Variants in RPS6KA2 observed in about 807,000 individuals in gnomAD.
RPS6KA2 encodes the protein ribosomal protein S6 kinase alpha-2.
Under a neutral mutation model 91.8 loss-of-function variants are expected in RPS6KA2, and 42 were observed. That is an observed-to-expected ratio of 0.46 (90% CI 0.36 to 0.59). The LOEUF (loss-of-function observed/expected upper bound fraction) is 0.59, where lower values mean the gene tolerates loss of function less well. Among genes scored for constraint, RPS6KA2 ranks in the 20% least tolerant of loss-of-function variants. The probability of loss-of-function intolerance (pLI) is 0.00; values close to 1 mark genes in which losing one functional copy is unlikely to be tolerated. For missense variants in RPS6KA2, 798 were observed against 978.5 expected (o/e 0.82, Z 2.46); for synonymous variants, 414 against 393.6 (o/e 1.05, Z -0.61).
chr6:166,806,589 G>A (rs1367412575), intron 2 of RPS6KA2, among the ~76,000 whole-genome samples: 1 of 152,134 alleles, frequency 6.6e-6, no homozygotes, highest in African/African-American at 2.4e-5. Flanking sequence ...CAAATGCAGG[G>A]GGAGTTTGTT....
chr6:166,783,700 A>T (rs555038310), intron 2 of RPS6KA2, among the ~76,000 whole-genome samples: 2 of 152,118 alleles, frequency 1.3e-5, no homozygotes, highest in East Asian at 3.9e-4. Flanking sequence ...GTAACTACAT[A>T]TATATGTGAA....
intron 2 of RPS6KA2, among the ~76,000 whole-genome samples, chr6:166,697,226 A>C (rs1219280300): frequency 6.6e-6 from 1 of 151,090 alleles, no homozygotes; most frequent in Non-Finnish European, 1.5e-5. Context: ...GTTAAAAAAA[A>C]GACTCATATA....
Position 166,563,035 on chromosome 6 carries a change from AG to A in RPS6KA2, c.100-24252del, listed in dbSNP as rs551776743. ...AAGGTAACATCCAAGTCACAACAGG[AG>A]TCCAGAGGGTCCTGAGTGTGGGAAA... On this transcript the variant is annotated intron_variant, in intron 1 of 20. Transcript: ENST00000265678. This position sits in a 1 kb window ranked among gnomAD's most constrained non-coding sequence, Gnocchi z 4.1. Among the ~76,000 whole-genome samples the A allele has an allele frequency of 1.9e-3, 285 of 152,314 alleles. No homozygotes were observed. The highest frequency in any genetic ancestry group is 6.8e-3 in the Middle Eastern group (2 of 294).
chr6:166,598,368 A>G (rs914991066), intron 1 of RPS6KA2, among the ~76,000 whole-genome samples: 3 of 152,202 alleles, frequency 2.0e-5, no homozygotes, highest in Non-Finnish European at 1.5e-5. Flanking sequence ...ATAGGCATTT[A>G]TGTTCTTACA....
chr6:166,825,418 T>G lies in RPS6KA2; in HGVS notation c.123+32782A>C, dbSNP rs1355152922. 6.6e-6 allele frequency among the ~76,000 whole-genome samples: 1 copy of G among 152,142 alleles called. No individual in the cohort carries two copies. The highest frequency in any genetic ancestry group is 6.5e-5 in the Admixed American group (1 of 15,274). ...CTTAGGGGAAGAAATGGAGTTTAGG[T>G]GGAATACAGCAGAGAGGGACCCCTG... On this transcript the variant is annotated intron_variant, in intron 2 of 21. Transcript: ENST00000503859. This position sits in a 1 kb window ranked among gnomAD's most constrained non-coding sequence, Gnocchi z 4.1.
At chr6:166,530,349 C>T (rs1177450979) in intron 3 of RPS6KA2, among the ~76,000 whole-genome samples, 1 of 152,206 alleles carries the variant, frequency 6.6e-6, no homozygotes, top group Non-Finnish European at 1.5e-5. Flanking sequence ...CTTCAGTTCC[C>T]TGCCAGCCCA....
In RPS6KA2 at chr6:166,838,393, T is replaced by C. The variant is rs1435006444; in HGVS notation, c.123+19807A>G. ...GTGCTTATGGAGGAAAATGTATTTA[T>C]TTTTCAGAGAGCCATACTGAAAAAT... is the stretch of plus-strand genomic sequence containing the variant. On this transcript the variant is annotated intron_variant, in intron 2 of 21. Coordinates refer to the RPS6KA2 transcript ENST00000503859. Among the ~76,000 whole-genome samples, 2 of 152,164 alleles carry C rather than the reference T, an allele frequency of 1.3e-5. 1 individual carries two copies. Among genetic ancestry groups the C allele is most frequent in the African/African-American group, 4.8e-5 (2 of 41,432 alleles).
At chr6:166,513,677 G>A (rs916841486) in intron 3 of RPS6KA2, among the ~76,000 whole-genome samples, 8 of 152,138 alleles carry the variant, frequency 5.3e-5, no homozygotes, top group East Asian at 3.9e-4. Context: ...GAAGACAAAC[G>A]CTGGGGAGGA....
chr6:166,517,244 CA>C (rs551666610), intron 3 of RPS6KA2, among the ~76,000 whole-genome samples: 224 of 152,208 alleles, frequency 1.5e-3, no homozygotes, highest in Non-Finnish European at 2.7e-3. Flanking sequence ...CCTGTAATCC[CA>C]ACATTTTGGG....
intron 2 of RPS6KA2, among the ~76,000 whole-genome samples, chr6:166,828,023 G>A (rs934341141): frequency 2.6e-5 from 4 of 152,232 alleles, no homozygotes; most frequent in African/African-American, 9.6e-5. Flanking sequence ...ATGGCAATCA[G>A]CTGCAGGTAC....
At chr6:166,537,263 G>T (rs767268751) in intron 2 of RPS6KA2, among the ~76,000 whole-genome samples, 1 of 152,274 alleles carries the variant, frequency 6.6e-6, no homozygotes, top group Non-Finnish European at 1.5e-5. Context: ...AAGAATGCTT[G>T]CTTGTCTCTG....
At chr6:166,730,095 C>T (rs1271869989) in intron 2 of RPS6KA2, among the ~76,000 whole-genome samples, 5 of 152,222 alleles carry the variant, frequency 3.3e-5, no homozygotes, top group African/African-American at 1.2e-4. Context: ...AAGATTCTCA[C>T]ATGCATGTAA....
intron 2 of RPS6KA2, chr6:166,757,423 C>T (rs1324362928): frequency 2.3e-6 from 1 of 436,668 alleles, no homozygotes; most frequent in Non-Finnish European, 4.6e-6. Flanking sequence ...CAGAAAACAG[C>T]TTGCCCCTGG....
chr6:166,696,316 C>A (rs1382444668), intron 2 of RPS6KA2, among the ~76,000 whole-genome samples: 1 of 152,170 alleles, frequency 6.6e-6, no homozygotes, highest in Admixed American at 6.5e-5. Context: ...ATGGGAGATG[C>A]TCATCGGAAA....
intron 11 of RPS6KA2, among the ~76,000 whole-genome samples, chr6:166,469,533 G>A (rs1780677534): frequency 6.6e-6 from 1 of 152,132 alleles, no homozygotes; most frequent in African/African-American, 2.4e-5. Flanking sequence ...GGCTCGGAGA[G>A]GCCGGGGAGT....
At chr6:166,691,553 C>T (rs1340249670) in intron 2 of RPS6KA2, among the ~76,000 whole-genome samples, 1 of 152,150 alleles carries the variant, frequency 6.6e-6, no homozygotes, top group Non-Finnish European at 1.5e-5. Flanking sequence ...CGGGCCTCCC[C>T]TGCTGCCCTG....
At chr6:166,631,653 C>A (rs116411866), upstream of RPS6KA2, among the ~76,000 whole-genome samples, 1,534 of 152,318 alleles carry the variant, frequency 0.01, 25 homozygotes, top group African/African-American at 0.034. Context: ...CGTCCCTCTG[C>A]CTGGGGCACT....
Position 166,688,658 on chromosome 6 carries a change from C to T in RPS6KA2, c.124-149874G>A, listed in dbSNP as rs956663425. 4.6e-5 allele frequency among the ~76,000 whole-genome samples: 7 copies of T among 152,336 alleles called. 1 individual carries two copies. The highest frequency in any genetic ancestry group is 4.2e-4 in the South Asian group (2 of 4,818). Reference sequence around the variant, plus strand: ...CAGGTAGGGGGCGGGAAGGCGAGAGCGACAGCGTCAGCGTGAGGCTGGCAA... The same window carrying T: ...CAGGTAGGGGGCGGGAAGGCGAGAGTGACAGCGTCAGCGTGAGGCTGGCAA... On this transcript the variant is annotated intron_variant, in intron 2 of 21. Transcript: ENST00000503859.
intron 2 of RPS6KA2, among the ~76,000 whole-genome samples, chr6:166,810,199 A>G (rs1025433883): frequency 3.3e-5 from 5 of 152,168 alleles, no homozygotes; most frequent in Admixed American, 2.6e-4. Context: ...CTGTGATCCA[A>G]TCACCTCCAC....
Sources: allele counts gnomAD v4.1 joint callset (sites outside exome capture counted in the v4.1 genomes callset), GRCh38; gene constraint gnomAD v4.1.1; non-coding constraint Gnocchi (gnomAD v3.1); transcripts MANE v1.5; gene names NCBI Gene and HGNC (gene_info 2026-07-23, HGNC 2026-07-21).